Variants in DOCK8 observed in about 807,000 individuals in gnomAD.
The protein encoded by DOCK8 is dedicator of cytokinesis protein 8.
In DOCK8, 141 loss-of-function variants were observed where a neutral mutation model predicts 245.6. The ratio of observed to expected loss-of-function variants is 0.57; its 90% CI spans 0.50 to 0.66. The LOEUF (loss-of-function observed/expected upper bound fraction) is 0.66, where lower values mean the gene tolerates loss of function less well. Ranked by LOEUF, DOCK8 falls within the 30% of genes least tolerant of loss-of-function variation. The probability of loss-of-function intolerance (pLI) is 0.00; values close to 1 mark genes in which losing one functional copy is unlikely to be tolerated. For synonymous variants in DOCK8, 1,168 were observed against 970.2 expected (o/e 1.20, Z -3.79); for missense variants, 2,965 against 2,603.4 (o/e 1.14, Z -3.02).
chr9:415,612 T>A (rs1395270214), intron 29 of DOCK8, among the ~76,000 whole-genome samples: 1 of 151,944 alleles, frequency 6.6e-6, no homozygotes, highest in Non-Finnish European at 1.5e-5. Context: ...TAGAAGAACT[T>A]CTTATGTTGA....
intron 1 of DOCK8, among the ~76,000 whole-genome samples, chr9:223,833 C>T (rs1050136264): frequency 6.6e-6 from 1 of 151,724 alleles, no homozygotes; most frequent in Admixed American, 6.6e-5. Flanking sequence ...ATTCTGTTGC[C>T]CATTTCTGTT....
rs578018477 is a variant in DOCK8 at position 402,624 on chromosome 9, C to T, written c.3235-2294C>T. Among the ~76,000 whole-genome samples, 7 of 152,316 alleles carry T rather than the reference C, an allele frequency of 4.6e-5. No homozygotes were observed. In the East Asian group the frequency reaches 9.6e-4, roughly 21 times the overall value. ...TAAGCAAGTTGTATTCTTACAAAGT[C>T]GTCTGACTTTATCATTTTGCATAAC... On this transcript the variant is annotated intron_variant, in intron 26 of 47. Coordinates refer to ENST00000432829, the MANE Select transcript of DOCK8 (RefSeq NM_203447.4).
At chr9:282,210 G>A (rs1027608013) in intron 2 of DOCK8, among the ~76,000 whole-genome samples, 2 of 152,112 alleles carry the variant, frequency 1.3e-5, no homozygotes, top group Non-Finnish European at 2.9e-5. Context: ...GTGATCCTCT[G>A]TATCCCCAGT....
chr9:283,702 C>T (rs61394380), intron 2 of DOCK8, among the ~76,000 whole-genome samples: 14,806 of 152,146 alleles, frequency 0.097, 1,575 homozygotes, highest in African/African-American at 0.27. Context: ...GTTCCATCCA[C>T]GTTGCTGCAA....
intron 14 of DOCK8, among the ~76,000 whole-genome samples, chr9:364,903 A>C (rs980382349): frequency 6.6e-6 from 1 of 152,206 alleles, no homozygotes; most frequent in African/African-American, 2.4e-5. Context: ...AATCAAATAG[A>C]ACAGTAGGAA....
intron 3 of DOCK8, among the ~76,000 whole-genome samples, chr9:287,197 A>G (rs1269076612): frequency 2.6e-5 from 4 of 152,192 alleles, no homozygotes; most frequent in Non-Finnish European, 5.9e-5. Flanking sequence ...CAGTGCTAAA[A>G]CAGTGGGGAG....
At chr9:399,069 A>G in intron 25 of DOCK8, 77 bp from the exon 26 acceptor site, 3 of 1,368,700 alleles carry the variant, frequency 2.2e-6, no homozygotes, top group Middle Eastern at 1.8e-4. Context: ...TGTCTCTCCC[A>G]ATGTTCCCAC....
At chr9:404,693 A>G (rs931570522) in intron 26 of DOCK8, among the ~76,000 whole-genome samples, 3 of 152,222 alleles carry the variant, frequency 2.0e-5, no homozygotes, top group African/African-American at 7.2e-5. Context: ...AAGAATCCTC[A>G]TTCTGGACAG....
At chr9:424,178 C>T (rs940390940) in intron 33 of DOCK8, among the ~76,000 whole-genome samples, 7 of 150,844 alleles carry the variant, frequency 4.6e-5, no homozygotes, top group Non-Finnish European at 7.4e-5. Flanking sequence ...GATCATTTTT[C>T]GATTATTTTG....
At chr9:300,784 A>G (rs1301531584) in intron 4 of DOCK8, among the ~76,000 whole-genome samples, 41 of 152,276 alleles carry the variant, frequency 2.7e-4, no homozygotes, top group Non-Finnish European at 2.9e-5. Flanking sequence ...CAAGCCCCCT[A>G]AAATTGAAGC....
chr9:383,300 C>T (rs973912524), intron 22 of DOCK8, among the ~76,000 whole-genome samples: 3 of 151,840 alleles, frequency 2.0e-5, no homozygotes, highest in African/African-American at 4.8e-5. Flanking sequence ...TTTGGGAGGC[C>T]GAGGTGGGTG....
chr9:298,764 G>T (rs2049389269), intron 4 of DOCK8, among the ~76,000 whole-genome samples: 1 of 151,966 alleles, frequency 6.6e-6, no homozygotes, highest in African/African-American at 2.4e-5. Flanking sequence ...TGGTTGCTAA[G>T]CTTCACACAC....
chr9:327,982 A>G (rs1563925600), intron 8 of DOCK8, 40 bp from the exon 9 acceptor site: 3 of 1,596,000 alleles, frequency 1.9e-6, no homozygotes, highest in African/African-American at 2.7e-5. Flanking sequence ...CATGAATGCA[A>G]CAGGTCTAAC....
At chr9:385,354 A>G (rs1025531183) in intron 22 of DOCK8, among the ~76,000 whole-genome samples, 3 of 152,232 alleles carry the variant, frequency 2.0e-5, no homozygotes, top group African/African-American at 7.2e-5. Flanking sequence ...AGATATTAAG[A>G]GAAATGCAAT....
chr9:368,027 C>T lies in DOCK8; in HGVS notation c.1689C>T (p.Leu563=). The T allele has an allele frequency of 6.2e-7, 1 of 1,613,494 alleles. No individual in the cohort carries two copies. The highest frequency in any genetic ancestry group is 8.5e-7 in the Non-Finnish European group (1 of 1,179,414). The change falls in exon 15 of 48, where the codon CTC becomes CTT. Residue 563 remains leucine (L), a synonymous_variant. Coordinates refer to ENST00000432829, the MANE Select transcript of DOCK8 (RefSeq NM_203447.4). The part of the protein sequence containing the change: ...YVPHTVYRNL[L]YVYPQRLNFV... ...ATCTCTTCTTTTCCAGAAACCTTCT[C>T]TATGTCTACCCACAGAGGCTGAACT...
intron 2 of DOCK8, among the ~76,000 whole-genome samples, chr9:274,911 G>C (rs143460553): frequency 6.6e-6 from 1 of 152,168 alleles, no homozygotes; most frequent in Non-Finnish European, 1.5e-5. Flanking sequence ...TGGCCCACTT[G>C]CTGATACAAA....
intron 1 of DOCK8, among the ~76,000 whole-genome samples, chr9:233,007 C>G (rs972774701): frequency 3.9e-5 from 6 of 152,144 alleles, no homozygotes; most frequent in Admixed American, 3.9e-4. Context: ...AATTTTGGAT[C>G]TTTCCTGCTT....
At chr9:275,897 C>CT (rs35653155) in intron 2 of DOCK8, among the ~76,000 whole-genome samples, 1,463 of 79,972 alleles carry the variant, frequency 0.018, 23 homozygotes, top group African/African-American at 0.053. Context: ...CCTAGTTTTA[C>CT]TTTTTTTTTT....
chr9:229,523 G>C (rs2047062062), intron 1 of DOCK8, among the ~76,000 whole-genome samples: 1 of 152,156 alleles, frequency 6.6e-6, no homozygotes, highest in Admixed American at 6.5e-5. Context: ...GCAGCGGTTT[G>C]AGAGTATCAG....
Sources: allele counts gnomAD v4.1 joint callset (sites outside exome capture counted in the v4.1 genomes callset), GRCh38; gene constraint gnomAD v4.1.1; transcripts MANE v1.5; gene names NCBI Gene and HGNC (gene_info 2026-07-23, HGNC 2026-07-21).